ARHGAP28: variants seen among roughly 807,000 people sequenced by gnomAD.
ARHGAP28 encodes the protein rho GTPase-activating protein 28.
A neutral mutation model predicts 90.7 loss-of-function variants in ARHGAP28; 56 were observed. The ratio of observed to expected loss-of-function variants is 0.62; its 90% CI spans 0.50 to 0.77. The LOEUF (loss-of-function observed/expected upper bound fraction) is 0.77. Among genes scored for constraint, ARHGAP28 ranks in the 30% least tolerant of loss-of-function variants. The probability of loss-of-function intolerance (pLI) is 0.00; values close to 1 mark genes in which losing one functional copy is unlikely to be tolerated. For missense variants in ARHGAP28, 869 were observed against 900.9 expected (o/e 0.96, Z 0.45); for synonymous variants, 308 against 323.3 (o/e 0.95, Z 0.51).
At chr18:6,846,550 A>T (rs1453589570) in intron 3 of ARHGAP28, among the ~76,000 whole-genome samples, 1 of 151,604 alleles carries the variant, frequency 6.6e-6, no homozygotes, top group Non-Finnish European at 1.5e-5. Flanking sequence ...TTCTAATTCA[A>T]TCCTTTTTCT....
chr18:6,763,945 C>T lies in ARHGAP28; in HGVS notation c.122+34002C>T, dbSNP rs147881983. On this transcript the variant is annotated intron_variant, in intron 1 of 17. Coordinates refer to ENST00000383472, the MANE Select transcript of ARHGAP28 (RefSeq NM_001366230.1). The stretch of plus-strand genomic sequence containing the variant: ...AATATTAAAGCAGAGAAATAATTAT[C>T]AAGAATATGCTATATCCAATCTTTA... Among the ~76,000 whole-genome samples, 1,374 of 152,206 alleles carry T rather than the reference C, an allele frequency of 9.0e-3. 23 individuals carry two copies. The highest frequency in any genetic ancestry group is 0.031 in the African/African-American group (1,289 of 41,520).
intron 3 of ARHGAP28, among the ~76,000 whole-genome samples, chr18:6,847,761 G>A (rs568294585): frequency 1.6e-4 from 25 of 152,146 alleles, no homozygotes; most frequent in African/African-American, 5.5e-4. Context: ...AGGGATTCCC[G>A]AGACCATGCC....
intron 1 of ARHGAP28, among the ~76,000 whole-genome samples, chr18:6,815,321 G>A (rs1007012784): frequency 6.6e-6 from 1 of 152,150 alleles, no homozygotes; most frequent in Non-Finnish European, 1.5e-5. Flanking sequence ...ACCTTTCATA[G>A]AAGTGTCTTT....
chr18:6,837,799 T>C (rs1027232830), intron 3 of ARHGAP28, among the ~76,000 whole-genome samples: 1 of 151,776 alleles, frequency 6.6e-6, no homozygotes, highest in Non-Finnish European at 1.5e-5. Context: ...TTTGGTTGAA[T>C]GGGGGGTGGG....
At chr18:6,740,054 A>T (rs1276458500) in intron 1 of ARHGAP28, among the ~76,000 whole-genome samples, 2 of 152,076 alleles carry the variant, frequency 1.3e-5, no homozygotes, top group Admixed American at 6.6e-5. Context: ...GGGTTTCTCC[A>T]TGTTGATCAG....
intron 2 of ARHGAP28, among the ~76,000 whole-genome samples, chr18:6,832,182 C>G (rs2056721571): frequency 1.3e-5 from 2 of 151,774 alleles, no homozygotes; most frequent in Admixed American, 1.3e-4. Context: ...AATGTTTTCT[C>G]AATTTCTTTG....
chr18:6,759,484 A>G (rs2056141100), intron 1 of ARHGAP28, among the ~76,000 whole-genome samples: 1 of 152,186 alleles, frequency 6.6e-6, no homozygotes, highest in Admixed American at 6.5e-5. Context: ...AATTTTATTC[A>G]GAGTTATGCT....
intron 1 of ARHGAP28, among the ~76,000 whole-genome samples, chr18:6,781,119 A>ATATTTCCCT (rs1368879416): frequency 1.3e-5 from 2 of 152,180 alleles, no homozygotes; most frequent in Non-Finnish European, 2.9e-5. Flanking sequence ...AATATTCAGA[A>ATATTTCCCT]TATTTCCCTT....
chr18:6,744,769 T>C (rs1192270078), intron 1 of ARHGAP28, among the ~76,000 whole-genome samples: 1 of 152,148 alleles, frequency 6.6e-6, no homozygotes, highest in East Asian at 1.9e-4. Flanking sequence ...GCTGAACTGA[T>C]TTTTGTTTTT....
intron 1 of ARHGAP28, among the ~76,000 whole-genome samples, chr18:6,738,298 T>C (rs2055945716): frequency 6.6e-6 from 1 of 151,996 alleles, no homozygotes; most frequent in Non-Finnish European, 1.5e-5. Flanking sequence ...TATACATTTA[T>C]ATATTTACTT....
chr18:6,839,496 A>G (rs1481302290), intron 3 of ARHGAP28, among the ~76,000 whole-genome samples: 1 of 151,872 alleles, frequency 6.6e-6, no homozygotes, highest in Non-Finnish European at 1.5e-5. Context: ...ACAGGGTTTC[A>G]CCCTGTTAGC....
At chr18:6,805,818 T>A in intron 1 of ARHGAP28, among the ~76,000 whole-genome samples, 1 of 152,064 alleles carries the variant, frequency 6.6e-6, no homozygotes, top group Non-Finnish European at 1.5e-5. Context: ...TTTACACCAT[T>A]TATACTTTAA....
chr18:6,893,088 C>A (rs2057278707), intron 14 of ARHGAP28, among the ~76,000 whole-genome samples: 1 of 152,224 alleles, frequency 6.6e-6, no homozygotes, highest in African/African-American at 2.4e-5. Context: ...TCCTCAATTT[C>A]TTCTGATCCA....
chr18:6,890,997 T>A (rs1453353738), intron 14 of ARHGAP28, among the ~76,000 whole-genome samples: 4 of 152,346 alleles, frequency 2.6e-5, no homozygotes, highest in Middle Eastern at 6.8e-3. Context: ...GAGTTTTGTT[T>A]TAACACAGTT....
rs186535755 is a variant in ARHGAP28, at chr18:6,908,939, T to C, written c.2031-21T>C. On this transcript the variant is annotated intron_variant, in intron 16 of 17. Coordinates refer to ENST00000383472, the MANE Select transcript of ARHGAP28 (RefSeq NM_001366230.1). Reference sequence around the variant, plus strand: ...ATCAGGAAAAAGTACTAAAATTATATTATTTTCTCATTTTTTTCAGTCATG... The same window carrying C: ...ATCAGGAAAAAGTACTAAAATTATACTATTTTCTCATTTTTTTCAGTCATG... The C allele has an allele frequency of 1.7e-4, 239 of 1,412,866 alleles. No homozygotes were observed. In the African/African-American group the frequency reaches 3.2e-3, roughly 19 times the overall value. 87.5% of individuals were successfully genotyped at this position (1,412,866 alleles called of 1,614,324 possible).
intron 1 of ARHGAP28, among the ~76,000 whole-genome samples, chr18:6,811,345 G>C (rs1353757452): frequency 6.6e-6 from 1 of 152,120 alleles, no homozygotes. Flanking sequence ...AGAAGAAAAG[G>C]CTGAAGAAGG....
chr18:6,796,889 CTTAAA>C lies in ARHGAP28; in HGVS notation c.123-27868_123-27864del, dbSNP rs547426501. On this transcript the variant is annotated intron_variant, in intron 1 of 17. Transcript: ENST00000383472. ...AATAATTGAAAAATTTTAAATGATTCTTAAATTAAGAAATAACAAATGGAAAATTA... is the reference window on the plus strand; with the variant it reads ...AATAATTGAAAAATTTTAAATGATTCTTAAGAAATAACAAATGGAAAATTA... Among the ~76,000 whole-genome samples the C allele has an allele frequency of 2.0e-4, 31 of 152,158 alleles. No homozygotes were observed. The South Asian group carries it at 6.0e-3, about 30-fold the overall frequency.
chr18:6,871,199 CTTG>C (rs1278795903), intron 7 of ARHGAP28, among the ~76,000 whole-genome samples: 2 of 152,228 alleles, frequency 1.3e-5, no homozygotes, highest in African/African-American at 2.4e-5. Context: ...GTGGGCACCA[CTTG>C]TTGTGCAGTG....
intron 12 of ARHGAP28, among the ~76,000 whole-genome samples, chr18:6,887,708 C>T (rs1325771830): frequency 6.6e-6 from 1 of 152,148 alleles, no homozygotes; most frequent in South Asian, 2.1e-4. Context: ...CAAGTGTGAG[C>T]CACCACGCCC....
Sources: gnomAD v4.1 joint callset for allele counts (sites outside exome capture counted in the v4.1 genomes callset) on GRCh38, gnomAD v4.1.1 for gene constraint, MANE v1.5 for transcripts, NCBI Gene and HGNC (gene_info 2026-07-23, HGNC 2026-07-21) for gene names.